The following DAW1 variants were observed in gnomAD, a reference collection of about 807,000 sequenced individuals.
The protein encoded by DAW1 is dynein assembly factor with WD repeat domains 1.
In DAW1, 47 loss-of-function variants were observed where a neutral mutation model predicts 56.5. The ratio of observed to expected loss-of-function variants is 0.83; its 90% CI spans 0.66 to 1.06. The LOEUF is 1.06. Among genes scored for constraint, DAW1 ranks in the 50% least tolerant of loss-of-function variants. The probability of loss-of-function intolerance (pLI) is 0.00; values close to 1 mark genes in which losing one functional copy is unlikely to be tolerated. For missense variants in DAW1, 505 were observed against 499.3 expected (o/e 1.01, Z -0.11); for synonymous variants, 190 against 179.0 (o/e 1.06, Z -0.49).
chr2:227,876,576 A>G, intron 1 of DAW1: 1 of 1,163,664 alleles, frequency 8.6e-7, no homozygotes, highest in Non-Finnish European at 1.1e-6. Flanking sequence ...TCCCTTCTGC[A>G]TATAGAGCAG....
At chr2:227,897,938 AATT>A (rs1306249814) in intron 5 of DAW1, among the ~76,000 whole-genome samples, 1 of 151,446 alleles carries the variant, frequency 6.6e-6, no homozygotes, top group East Asian at 1.9e-4. Context: ...TCATTTTAAA[AATT>A]ATTATAATCC....
At chr2:227,902,573 T>G (rs909305014) in intron 6 of DAW1, among the ~76,000 whole-genome samples, 1 of 152,004 alleles carries the variant, frequency 6.6e-6, no homozygotes, top group East Asian at 1.9e-4. Context: ...GGGAACTGGA[T>G]GGATTGCCCA....
intron 6 of DAW1, among the ~76,000 whole-genome samples, chr2:227,898,729 A>G (rs1691470475): frequency 6.6e-6 from 1 of 152,174 alleles, no homozygotes; most frequent in African/African-American, 2.4e-5. Context: ...TAGTCTGCCT[A>G]TATTTATATG....
chr2:227,919,010 C>A (rs1414890831), intron 11 of DAW1, among the ~76,000 whole-genome samples, 154 bp downstream of exon 11: 2 of 151,818 alleles, frequency 1.3e-5, no homozygotes, highest in Non-Finnish European at 2.9e-5. Context: ...GCCTGGGCAA[C>A]ATAGGGATAC....
At chr2:227,895,293 A>G (rs188912005) in intron 5 of DAW1, among the ~76,000 whole-genome samples, 283 of 152,294 alleles carry the variant, frequency 1.9e-3, no homozygotes, top group Non-Finnish European at 3.1e-3. Flanking sequence ...TGGCAAATAA[A>G]TATATATTTA....
chr2:227,880,960 G>A (rs1036386522), intron 1 of DAW1, among the ~76,000 whole-genome samples: 3 of 152,198 alleles, frequency 2.0e-5, no homozygotes, highest in African/African-American at 4.8e-5. Context: ...TGTAAGGTGA[G>A]ACGAGAAGAA....
chr2:227,893,697 G>A, intron 4 of DAW1, 98 bp from the exon 5 acceptor site: 1 of 1,454,144 alleles, frequency 6.9e-7, no homozygotes, highest in Non-Finnish European at 9.2e-7. Context: ...CAAACAAACA[G>A]CATAATAAAT....
At chr2:227,901,688 G>A (rs939275633) in intron 6 of DAW1, among the ~76,000 whole-genome samples, 1 of 152,206 alleles carries the variant, frequency 6.6e-6, no homozygotes, top group Non-Finnish European at 1.5e-5. Flanking sequence ...ACCTGGATTG[G>A]GCATTTAGCT....
At chr2:227,886,515 G>A (rs1691134432) in intron 2 of DAW1, among the ~76,000 whole-genome samples, 1 of 152,156 alleles carries the variant, frequency 6.6e-6, no homozygotes, top group Non-Finnish European at 1.5e-5. Context: ...TATTCAGGAG[G>A]CTAAGGGAGG....
At chr2:227,873,392 G>T (rs975693306) in intron 1 of DAW1, among the ~76,000 whole-genome samples, 6 of 152,176 alleles carry the variant, frequency 3.9e-5, no homozygotes, top group Non-Finnish European at 5.9e-5. Flanking sequence ...AGCACCCTCA[G>T]CTTCTAGAAG....
intron 12 of DAW1, among the ~76,000 whole-genome samples, chr2:227,923,027 A>G (rs1692146064): frequency 6.6e-6 from 1 of 152,134 alleles, no homozygotes; most frequent in Non-Finnish European, 1.5e-5. Flanking sequence ...GACCCTGGAG[A>G]GTTTAGCAAA....
At chr2:227,922,608 G>A (rs1692137940) in intron 12 of DAW1, among the ~76,000 whole-genome samples, 1 of 152,152 alleles carries the variant, frequency 6.6e-6, no homozygotes, top group African/African-American at 2.4e-5. Context: ...CAGGCCCAAG[G>A]CTGGCTTTAC....
intron 10 of DAW1, among the ~76,000 whole-genome samples, chr2:227,917,001 A>G (rs1488731252): frequency 1.3e-5 from 2 of 152,098 alleles, no homozygotes; most frequent in Non-Finnish European, 2.9e-5. Context: ...CTGTATCTGC[A>G]TCATCTCCTT....
At chr2:227,872,067 T>C (rs1047483108) in intron 1 of DAW1, 14 of 312,318 alleles carry the variant, frequency 4.5e-5, no homozygotes, top group African/African-American at 2.6e-4. Flanking sequence ...AGTGAAGTAA[T>C]TATGAAATAA....
chr2:227,901,323 A>G (rs1044882498), intron 6 of DAW1, among the ~76,000 whole-genome samples: 5 of 151,868 alleles, frequency 3.3e-5, no homozygotes, highest in African/African-American at 1.2e-4. Context: ...GTTTGCATCT[A>G]TATGACTTTT....
At chr2:227,909,910 G>A (rs966750569) in intron 10 of DAW1, among the ~76,000 whole-genome samples, 1 of 151,952 alleles carries the variant, frequency 6.6e-6, no homozygotes, top group African/African-American at 2.4e-5. Context: ...CAGCCACGTG[G>A]GTATCCCTTA....
At chr2:227,878,029 T>C (rs1373559206) in intron 1 of DAW1, among the ~76,000 whole-genome samples, 2 of 152,268 alleles carry the variant, frequency 1.3e-5, no homozygotes, top group African/African-American at 4.8e-5. Context: ...CTTTTTACTT[T>C]ATTACAAACA....
Position 227,899,238 on chromosome 2 carries a change from C to T in DAW1, c.540+957C>T, listed in dbSNP as rs144537016. On this transcript the variant is annotated intron_variant, in intron 6 of 12. Coordinates refer to ENST00000309931, the MANE Select transcript of DAW1 (RefSeq NM_178821.3). Reference sequence around the variant, plus strand: ...AAAAATTGATCTGATTTTAACAAATCCCCAAGTTATGTTTTGGTCTGTTAA... The same window carrying T: ...AAAAATTGATCTGATTTTAACAAATTCCCAAGTTATGTTTTGGTCTGTTAA... Among the ~76,000 whole-genome samples the T allele has an allele frequency of 1.5e-3, 227 of 152,308 alleles. 5 individuals carry two copies. The East Asian group carries it at 0.041, about 27-fold the overall frequency.
intron 7 of DAW1, among the ~76,000 whole-genome samples, chr2:227,903,419 G>T (rs1166391561): frequency 6.6e-6 from 1 of 152,192 alleles, no homozygotes; most frequent in Non-Finnish European, 1.5e-5. Flanking sequence ...GGCAGAACTG[G>T]AGAACCATGA....
Sources: gnomAD v4.1 joint callset for allele counts (sites outside exome capture counted in the v4.1 genomes callset) on GRCh38, gnomAD v4.1.1 for gene constraint, MANE v1.5 for transcripts, NCBI Gene and HGNC (gene_info 2026-07-23, HGNC 2026-07-21) for gene names.